ASPH: variants seen among roughly 807,000 people sequenced by gnomAD.
The protein encoded by ASPH is aspartyl/asparaginyl beta-hydroxylase.
ASPH carries 100 observed loss-of-function variants against 118.4 expected under a neutral mutation model. The observed-to-expected ratio is 0.84, with a 90% confidence interval of 0.72 to 1.00. The LOEUF (loss-of-function observed/expected upper bound fraction) is 1.00, where lower values mean the gene tolerates loss of function less well. Among genes scored for constraint, ASPH ranks in the 50% least tolerant of loss-of-function variants. The pLI is 0.00. For missense variants in ASPH, 920 were observed against 919.5 expected (o/e 1.00, Z -0.01); for synonymous variants, 315 against 325.6 (o/e 0.97, Z 0.35).
intron 21 of ASPH, among the ~76,000 whole-genome samples, chr8:61,545,685 T>C (rs1023535870): frequency 1.3e-5 from 2 of 152,222 alleles, no homozygotes; most frequent in Admixed American, 1.3e-4. Flanking sequence ...TGTCAGCCCA[T>C]AGTAGACTGC....
At chr8:61,666,387 C>T (rs1326807452) in intron 3 of ASPH, among the ~76,000 whole-genome samples, 1 of 152,130 alleles carries the variant, frequency 6.6e-6, no homozygotes, top group Non-Finnish European at 1.5e-5. Context: ...AAGCAGTTAG[C>T]AAAAGCTCTG....
chr8:61,665,417 T>C (rs1316240761), intron 3 of ASPH: 1 of 1,609,644 alleles, frequency 6.2e-7, no homozygotes, highest in Admixed American at 1.7e-5. Context: ...TTTTTCTAGG[T>C]CCACTTTCTC....
intron 1 of ASPH, among the ~76,000 whole-genome samples, chr8:61,704,635 C>G (rs1288805234): frequency 6.6e-6 from 1 of 152,026 alleles, no homozygotes; most frequent in East Asian, 1.9e-4. Context: ...AATTACCGCT[C>G]AGCAACAAAA....
intron 13 of ASPH, chr8:61,626,165 G>T: frequency 7.8e-7 from 1 of 1,282,940 alleles, no homozygotes; most frequent in South Asian, 3.1e-5. Flanking sequence ...CCTTCCCAAA[G>T]ATCTTGATCT....
chr8:61,559,329 C>T (rs67821349), intron 18 of ASPH, among the ~76,000 whole-genome samples: 30,494 of 152,144 alleles, frequency 0.2, 3,238 homozygotes, highest in East Asian at 0.35. Context: ...AGCAGACTAT[C>T]AGTAGTTAAG....
Position 61,714,584 on chromosome 8 carries a change from C to A in ASPH, c.-213G>T, listed in dbSNP as rs1435955464. ...GCGCGCCCGGCCTCGCGTGTACGAA[C>A]CTGTGACTCCCTCCCGGGGCGAGAG... On this transcript the variant is annotated 5_prime_UTR_variant, in exon 1 of 25. Transcript: ENST00000379454. 3.2e-6 allele frequency: 2 copies of A among 617,196 alleles called. No individual in the cohort carries two copies. The highest frequency in any genetic ancestry group is 4.7e-6 in the Non-Finnish European group (2 of 423,282). 38.2% of individuals were successfully genotyped at this position (617,196 alleles called of 1,614,324 possible).
At chr8:61,700,330 C>T (rs954926522) in intron 1 of ASPH, among the ~76,000 whole-genome samples, 4 of 152,222 alleles carry the variant, frequency 2.6e-5, no homozygotes, top group African/African-American at 9.6e-5. Context: ...AGCACACTCA[C>T]TCCTTCCCCT....
chr8:61,594,475 T>G (rs149779216), intron 14 of ASPH, among the ~76,000 whole-genome samples: 172 of 152,278 alleles, frequency 1.1e-3, no homozygotes, highest in African/African-American at 3.9e-3. Context: ...CCAAAAAAAT[T>G]GCTACAGGTG....
intron 1 of ASPH, among the ~76,000 whole-genome samples, chr8:61,703,551 T>C (rs1030521174): frequency 4.0e-5 from 6 of 151,602 alleles, no homozygotes; most frequent in African/African-American, 1.5e-4. Flanking sequence ...TTTAGAAAAA[T>C]GTTTAACAGA....
intron 5 of ASPH, among the ~76,000 whole-genome samples, chr8:61,650,073 A>G (rs1810152774): frequency 6.6e-6 from 1 of 151,974 alleles, no homozygotes; most frequent in South Asian, 2.1e-4. Context: ...AGCTTCCCAT[A>G]TTTTATTACC....
intron 14 of ASPH, among the ~76,000 whole-genome samples, chr8:61,610,230 T>C (rs994884191): frequency 3.3e-4 from 50 of 152,260 alleles, no homozygotes; most frequent in African/African-American, 1.2e-3. Context: ...TTTGCTATTG[T>C]TGTCCTGTGG....
At chr8:61,660,943 A>G (rs909646830) in intron 3 of ASPH, 1 of 152,140 alleles carries the variant, frequency 6.6e-6, no homozygotes, top group Admixed American at 6.5e-5. Context: ...AAACAAACAT[A>G]AGTTTTTCAC....
Position 61,633,618 on chromosome 8 carries a change from T to C in ASPH, c.934+65A>G, listed in dbSNP as rs374583968. The C allele has an allele frequency of 8.8e-5, 117 of 1,322,262 alleles. 1 individual carries two copies. The African/African-American group carries it at 1.6e-3, about 19-fold the overall frequency. The allele number at this position is 1,322,262 out of a possible 1,614,324, so 81.9% of individuals were successfully genotyped here. ...CTTCGTAGATTCATTATAAAGCTATTGGTAATATTAACAGGATTTTTAAGG... is the reference window on the plus strand; with the variant it reads ...CTTCGTAGATTCATTATAAAGCTATCGGTAATATTAACAGGATTTTTAAGG... On this transcript the variant is annotated intron_variant, in intron 13 of 24. Transcript: ENST00000379454.
At chr8:61,636,053 C>T (rs144799039) in intron 12 of ASPH, among the ~76,000 whole-genome samples, 3 of 152,268 alleles carry the variant, frequency 2.0e-5, no homozygotes, top group African/African-American at 4.8e-5. Context: ...ATTGCTTAAG[C>T]CAGTTTGAGT....
At chr8:61,613,222 A>G (rs1848006886) in intron 14 of ASPH, among the ~76,000 whole-genome samples, 1 of 152,212 alleles carries the variant, frequency 6.6e-6, no homozygotes, top group African/African-American at 2.4e-5. Context: ...ATTACTCTCC[A>G]TAATATGAGT....
chr8:61,651,382 A>T (rs1421689289), intron 4 of ASPH: 1 of 326,264 alleles, frequency 3.1e-6, no homozygotes, highest in Non-Finnish European at 5.5e-6. Flanking sequence ...ACTCAGGCTC[A>T]GATTTGTATT....
chr8:61,567,477 G>A (rs1486511423), intron 16 of ASPH, among the ~76,000 whole-genome samples, 159 bp from the exon 17 acceptor site: 1 of 152,120 alleles, frequency 6.6e-6, no homozygotes, highest in East Asian at 1.9e-4. Context: ...ACTAACAAAA[G>A]ATAGAAAATC....
chr8:61,581,524 A>C (rs1339533181), intron 15 of ASPH, among the ~76,000 whole-genome samples: 1 of 152,242 alleles, frequency 6.6e-6, no homozygotes, highest in African/African-American at 2.4e-5. Context: ...TCAGTGGGGA[A>C]GTAGGAAGTT....
intron 21 of ASPH, among the ~76,000 whole-genome samples, chr8:61,534,914 C>T (rs769511806): frequency 2.6e-5 from 4 of 152,214 alleles, no homozygotes; most frequent in African/African-American, 2.4e-5. Context: ...AAGTTCAAGA[C>T]CAAGGTCAGC....
Sources: gnomAD v4.1 joint callset for allele counts (sites outside exome capture counted in the v4.1 genomes callset) on GRCh38, gnomAD v4.1.1 for gene constraint, MANE v1.5 for transcripts, NCBI Gene and HGNC (gene_info 2026-07-23, HGNC 2026-07-21) for gene names.